The following CENPP variants were observed in gnomAD, a reference collection of about 807,000 sequenced individuals.
CENPP encodes the protein centromere protein P.
CENPP carries 24 observed loss-of-function variants against 35.6 expected under a neutral mutation model. The ratio of observed to expected loss-of-function variants is 0.67; its 90% CI spans 0.49 to 0.95. The LOEUF is 0.95. CENPP is among the 40% of genes least tolerant of loss of function. The pLI is 0.00. For synonymous variants in CENPP, 120 were observed against 125.5 expected (o/e 0.96, Z 0.29); for missense variants, 332 against 345.3 (o/e 0.96, Z 0.31).
At chr9:92,463,710 G>A (rs1237187827) in intron 5 of CENPP, among the ~76,000 whole-genome samples, 9 of 152,134 alleles carry the variant, frequency 5.9e-5, no homozygotes, top group Non-Finnish European at 1.3e-4. Flanking sequence ...TTATTGGGTA[G>A]CATTTGCATT....
At chr9:92,589,612 GAAGTTC>G (rs1293399701) in intron 5 of CENPP, among the ~76,000 whole-genome samples, 3 of 152,220 alleles carry the variant, frequency 2.0e-5, no homozygotes, top group Non-Finnish European at 4.4e-5. Context: ...AACAGTATGT[GAAGTTC>G]CACCTTCTTT....
In CENPP at chr9:92,618,210, C is replaced by T. The variant is rs891559329; in HGVS notation, c.*5061C>T. Reference sequence around the variant, plus strand: ...GATCCTCTCCTTTTGTTGAGAAAGGCCTGGCTAGAGTGCTTTGTGCAGGAT... The same window carrying T: ...GATCCTCTCCTTTTGTTGAGAAAGGTCTGGCTAGAGTGCTTTGTGCAGGAT... On this transcript the variant is annotated 3_prime_UTR_variant, in exon 8 of 8. Coordinates refer to ENST00000375587, the MANE Select transcript of CENPP (RefSeq NM_001012267.3). The T allele has an allele frequency of 8.8e-6, 4 of 456,442 alleles. No homozygotes were observed. Among genetic ancestry groups the T allele is most frequent in the Non-Finnish European group, 1.8e-5 (4 of 226,926 alleles). The allele number at this position is 456,442 out of a possible 1,614,324, so 28.3% of individuals were successfully genotyped here.
At chr9:92,343,683 C>T (rs1464785845) in intron 3 of CENPP, among the ~76,000 whole-genome samples, 4 of 152,122 alleles carry the variant, frequency 2.6e-5, no homozygotes, top group South Asian at 2.1e-4. Context: ...CATTGGCTCA[C>T]GCCTATAATC....
chr9:92,344,756 T>G (rs1432505158), intron 3 of CENPP, among the ~76,000 whole-genome samples: 1 of 150,076 alleles, frequency 6.7e-6, no homozygotes, highest in Non-Finnish European at 1.5e-5. Flanking sequence ...ACCGTGTTGG[T>G]CAGGATGGTC....
intron 5 of CENPP, chr9:92,514,863 A>C (rs34355623): frequency 1.7e-5 from 28 of 1,608,098 alleles, no homozygotes; most frequent in Non-Finnish European, 2.2e-5. Flanking sequence ...CCTCCTCCTC[A>C]TCCTCCTCCT....
chr9:92,532,015 G>GTTTTTTTTTTTTTTTGTTT (rs71362397), intron 5 of CENPP, among the ~76,000 whole-genome samples: 1 of 95,736 alleles, frequency 1.0e-5, no homozygotes, highest in African/African-American at 5.9e-5. Flanking sequence ...TTTATTTAAT[G>GTTTTTTTTTTTTTTTGTTT]TTTTTTTTTT....
intron 4 of CENPP, among the ~76,000 whole-genome samples, chr9:92,379,474 A>T (rs1842197008): frequency 6.6e-6 from 1 of 152,202 alleles, no homozygotes; most frequent in Admixed American, 6.5e-5. Flanking sequence ...ATTATTCTTT[A>T]TTATACTACA....
chr9:92,605,476 TAAACCAGAGTATCTTTCA>T (rs1379760482), intron 5 of CENPP, among the ~76,000 whole-genome samples: 1 of 152,134 alleles, frequency 6.6e-6, no homozygotes, highest in Non-Finnish European at 1.5e-5. Context: ...TATCTCTCTA[TAAACCAGAGTATCTTTCA>T]AAACAGAAAA....
intron 5 of CENPP, chr9:92,496,129 T>G (rs949734301): frequency 1.6e-6 from 2 of 1,237,278 alleles, no homozygotes; most frequent in African/African-American, 1.6e-5. Flanking sequence ...TTACTATTAA[T>G]AAAACTCCTA....
chr9:92,566,187 G>C (rs528220946), intron 5 of CENPP, among the ~76,000 whole-genome samples: 161 of 151,952 alleles, frequency 1.1e-3, no homozygotes, highest in East Asian at 9.3e-3. Context: ...TGTAATCCCA[G>C]CTACTCGGGA....
At chr9:92,528,422 C>T (rs930814861) in intron 5 of CENPP, among the ~76,000 whole-genome samples, 4 of 152,158 alleles carry the variant, frequency 2.6e-5, no homozygotes, top group African/African-American at 9.7e-5. Context: ...GAGGTGAGAG[C>T]TAGCCCAGAG....
rs76589431 is a variant in CENPP at position 92,327,944 on chromosome 9, C to A, written c.107+1839C>A. ...CACAGAGTCCGTTCTGCAACTCTTA[C>A]GATCTCTATTTTAACATTAATGCTG... On this transcript the variant is annotated intron_variant, in intron 1 of 7. Coordinates refer to ENST00000375587, the MANE Select transcript of CENPP (RefSeq NM_001012267.3). Among the ~76,000 whole-genome samples, 5 of 152,252 alleles carry A rather than the reference C, an allele frequency of 3.3e-5. No individual in the cohort carries two copies. In the East Asian group the frequency reaches 9.7e-4, roughly 29 times the overall value.
At chr9:92,474,516 A>T (rs1845636785) in intron 5 of CENPP, 1 of 1,441,064 alleles carries the variant, frequency 6.9e-7, no homozygotes, top group Non-Finnish European at 9.1e-7. Context: ...AATGAAAAAA[A>T]CTTATACACT....
At position 92,615,558 on chromosome 9, in the gene CENPP, GA is replaced by G. The variant is rs1851404681; in HGVS notation, c.*2411del. 2.5e-6 allele frequency: 1 copy of G among 396,272 alleles called. No individual in the cohort carries two copies. Among genetic ancestry groups the G allele is most frequent in the African/African-American group, 2.1e-5 (1 of 48,724 alleles). The allele number at this position is 396,272 out of a possible 1,614,324, so 24.5% of individuals were successfully genotyped here. ...GACATGAGCCCTGGTTGGGAAAGAA[GA>G]ACTATCCAGAACGTCTTCCCAGGGC... On this transcript the variant is annotated 3_prime_UTR_variant, in exon 8 of 8. Transcript: ENST00000375587.
intron 5 of CENPP, among the ~76,000 whole-genome samples, chr9:92,520,898 C>T (rs753582605): frequency 1.3e-4 from 20 of 152,158 alleles, no homozygotes; most frequent in Non-Finnish European, 2.8e-4. Context: ...CATGAAATTT[C>T]CAGAATAGGC....
At chr9:92,565,690 C>T (rs975766513) in intron 5 of CENPP, among the ~76,000 whole-genome samples, 4 of 152,290 alleles carry the variant, frequency 2.6e-5, no homozygotes, top group African/African-American at 9.6e-5. Flanking sequence ...ACCCTGTCTC[C>T]ACTTTCATTT....
intron 5 of CENPP, among the ~76,000 whole-genome samples, chr9:92,542,596 A>C (rs563949418): frequency 1.5e-4 from 23 of 151,956 alleles, no homozygotes; most frequent in Admixed American, 4.6e-4. Context: ...GGCTCACTGC[A>C]ATCTCTGCCT....
intron 5 of CENPP, among the ~76,000 whole-genome samples, chr9:92,396,204 G>T (rs945466917): frequency 1.3e-5 from 2 of 152,040 alleles, no homozygotes; most frequent in Non-Finnish European, 2.9e-5. Flanking sequence ...ATTTTATTTT[G>T]TTCTGGTGAC....
intron 5 of CENPP, among the ~76,000 whole-genome samples, chr9:92,568,598 C>G (rs1173997555): frequency 6.6e-6 from 1 of 152,152 alleles, no homozygotes; most frequent in Non-Finnish European, 1.5e-5. Context: ...TGGGTATATA[C>G]ACAGTAATGG....
Sources: gnomAD v4.1 joint callset for allele counts (sites outside exome capture counted in the v4.1 genomes callset) on GRCh38, gnomAD v4.1.1 for gene constraint, MANE v1.5 for transcripts, NCBI Gene and HGNC (gene_info 2026-07-23, HGNC 2026-07-21) for gene names.